TGS1: variants seen among roughly 807,000 people sequenced by gnomAD.
The protein encoded by TGS1 is trimethylguanosine synthase 1, also known as trimethylguanosine synthase.
In TGS1, 69 loss-of-function variants were observed where a neutral mutation model predicts 92.2. The observed-to-expected ratio is 0.75, with a 90% CI of 0.62 to 0.91. The LOEUF is 0.91. Ranked by LOEUF, TGS1 falls within the 40% of genes least tolerant of loss-of-function variation. TGS1 has a pLI of 0.00. For synonymous variants in TGS1, 345 were observed against 338.1 expected, an observed-to-expected ratio of 1.02 and a Z score of -0.22; for missense variants, 1,062 against 1,001.2, an observed-to-expected ratio of 1.06 and a Z score of -0.82.
chr8:55,818,199 A>ATTTT (rs367848057), intron 12 of TGS1, among the ~76,000 whole-genome samples: 1 of 150,438 alleles, frequency 6.6e-6, no homozygotes, highest in Non-Finnish European at 1.5e-5. Flanking sequence ...CTGGTTACCA[A>ATTTT]TTTTTTTTTT....
intron 12 of TGS1, among the ~76,000 whole-genome samples, chr8:55,820,285 G>A (rs935614778): frequency 1.1e-4 from 16 of 152,134 alleles, no homozygotes; most frequent in South Asian, 2.1e-4. Flanking sequence ...AGTGGCTTAA[G>A]CCTGTAATCC....
At chr8:55,787,376 A>T (rs1811749545) in intron 4 of TGS1, among the ~76,000 whole-genome samples, 1 of 152,270 alleles carries the variant, frequency 6.6e-6, no homozygotes. Flanking sequence ...AAATGAATTT[A>T]TAAGAGGCAT....
rs371154182 is a variant in TGS1 at position 55,790,165 on chromosome 8, T to C, written c.1163-17T>C. On this transcript the variant is annotated splice_polypyrimidine_tract_variant and intron_variant, in intron 4 of 12. Coordinates refer to ENST00000260129, the MANE Select transcript of TGS1 (RefSeq NM_024831.8). Reference sequence around the variant, plus strand: ...AACCAAGGGGGAAAAGCTACTGCAATATTTCTGCCTCTTTAGATTCACAGA... The same window carrying C: ...AACCAAGGGGGAAAAGCTACTGCAACATTTCTGCCTCTTTAGATTCACAGA... The C allele has an allele frequency of 1.9e-5, 31 of 1,593,730 alleles. No homozygotes were observed. The highest frequency in any genetic ancestry group is 2.4e-5 in the Non-Finnish European group (28 of 1,163,386).
At chr8:55,784,523 G>A (rs1811655021) in intron 2 of TGS1, among the ~76,000 whole-genome samples, 1 of 152,140 alleles carries the variant, frequency 6.6e-6, no homozygotes, top group African/African-American at 2.4e-5. Flanking sequence ...ACAGGGTCTT[G>A]CTGTGTTGCT....
intron 9 of TGS1, among the ~76,000 whole-genome samples, chr8:55,803,130 GGT>G (rs1554562881): frequency 2.3e-3 from 328 of 143,666 alleles, no homozygotes; most frequent in Non-Finnish European, 2.7e-3. Flanking sequence ...AATTTGGGGG[GGT>G]GTGTGTGTGT....
chr8:55,790,966 T>TC (rs1811865124), intron 5 of TGS1, among the ~76,000 whole-genome samples: 1 of 149,470 alleles, frequency 6.7e-6, no homozygotes, highest in Non-Finnish European at 1.5e-5. Context: ...AATTCATATC[T>TC]TCTCTCTCTC....
intron 12 of TGS1, among the ~76,000 whole-genome samples, chr8:55,816,547 ATAAGT>A (rs1043569677): frequency 1.6e-4 from 24 of 152,202 alleles, no homozygotes; most frequent in African/African-American, 3.6e-4. Flanking sequence ...TTCAGGTAAG[ATAAGT>A]TAAGTTACTT....
In TGS1 at chr8:55,814,510, T is replaced by C. The variant is rs920275050; in HGVS notation, c.2439+1392T>C. Among the ~76,000 whole-genome samples, 4 of 151,808 alleles carry C rather than the reference T, an allele frequency of 2.6e-5. No individual in the cohort carries two copies. In the South Asian group the frequency reaches 6.2e-4, roughly 24 times the overall value. On this transcript the variant is annotated intron_variant, in intron 12 of 12. Coordinates refer to ENST00000260129, the MANE Select transcript of TGS1 (RefSeq NM_024831.8). ...AACATTAGGCCTCCCAAAATATTAA[T>C]AGTATGTGTTATACCAGTTATAAGA...
intron 12 of TGS1, 39 bp from the exon 13 acceptor site, chr8:55,824,542 T>C (rs1195175352): frequency 6.2e-7 from 1 of 1,612,740 alleles, no homozygotes; most frequent in East Asian, 2.2e-5. Flanking sequence ...GAAATTATGC[T>C]TAGGTGTGTG....
chr8:55,799,278 T>G (rs1812153457), intron 8 of TGS1, 58 bp downstream of exon 8: 4 of 1,477,416 alleles, frequency 2.7e-6, no homozygotes, highest in Non-Finnish European at 2.7e-6. Context: ...TTTTTGTTAA[T>G]ATGTTTTTTC....
At chr8:55,797,564 AAC>A (rs1812095439) in intron 7 of TGS1, among the ~76,000 whole-genome samples, 1 of 152,212 alleles carries the variant, frequency 6.6e-6, no homozygotes, top group Non-Finnish European at 1.5e-5. Context: ...GATAGCATGA[AAC>A]ACAGGCCAAT....
chr8:55,786,518 G>A lies in TGS1; in HGVS notation c.620G>A (p.Gly207Glu). 6.2e-7 allele frequency: 1 copy of A among 1,614,152 alleles called. No individual in the cohort carries two copies. Among genetic ancestry groups the A allele is most frequent in the Non-Finnish European group, 8.5e-7 (1 of 1,180,012 alleles). ...KWEKYWNEYGGGLLWQSWQEK... is the reference protein window; with the variant it reads ...KWEKYWNEYGEGLLWQSWQEK... ...GAAAAGTATTGGAATGAATATGGAG[G>A]AGGACTATTGTGGCAAAGTTGGCAA... Residue 207 changes from glycine (G) to glutamate (E), a missense_variant, in exon 4 of 13, where the codon GGA becomes GAA. Physicochemically the swap from Gly to Glu is moderately conservative, Grantham distance 98. Transcript: ENST00000260129.
Position 55,806,225 on chromosome 8 carries a change from G to A in TGS1, c.2143+1189G>A, listed in dbSNP as rs189920575. Among the ~76,000 whole-genome samples the A allele has an allele frequency of 6.2e-4, 94 of 151,762 alleles. No individual in the cohort carries two copies. In the East Asian group the frequency reaches 0.015, roughly 24 times the overall value. On this transcript the variant is annotated intron_variant, in intron 10 of 12. Transcript: ENST00000260129. ...ACAAAAATTAGCCGGGCATGGTAGC[G>A]TGTGCCTGTAGTCCCAGCTACTCAG...
chr8:55,774,223 T>C (rs1231209899), intron 1 of TGS1, among the ~76,000 whole-genome samples: 1 of 152,192 alleles, frequency 6.6e-6, no homozygotes, highest in Non-Finnish European at 1.5e-5. Flanking sequence ...AATCTTTGAA[T>C]CAGGTAAAAA....
intron 2 of TGS1, 132 bp downstream of exon 2, chr8:55,782,944 A>C: frequency 1.6e-6 from 1 of 618,244 alleles, no homozygotes; most frequent in Non-Finnish European, 2.8e-6. Context: ...TTCTGTAATC[A>C]GACAATTTTT....
chr8:55,816,700 A>G (rs139018477), intron 12 of TGS1, among the ~76,000 whole-genome samples: 1 of 152,226 alleles, frequency 6.6e-6, no homozygotes, highest in African/African-American at 2.4e-5. Context: ...CCACCCTTCC[A>G]TGGCTTCCCC....
At chr8:55,789,727 A>G (rs1442189839) in intron 4 of TGS1, among the ~76,000 whole-genome samples, 2 of 152,246 alleles carry the variant, frequency 1.3e-5, no homozygotes, top group African/African-American at 4.8e-5. Context: ...TGGACAGAAA[A>G]AGAAAAATGA....
intron 11 of TGS1, among the ~76,000 whole-genome samples, chr8:55,811,743 G>T (rs1398624382): frequency 6.6e-6 from 1 of 151,904 alleles, no homozygotes; most frequent in Non-Finnish European, 1.5e-5. Flanking sequence ...CCTGGGCAAC[G>T]GAGCGAGACT....
chr8:55,815,947 TTTTA>T (rs960443751), intron 12 of TGS1, among the ~76,000 whole-genome samples: 7 of 146,336 alleles, frequency 4.8e-5, no homozygotes, highest in African/African-American at 1.9e-4. Context: ...TATTTATTTA[TTTTA>T]TTTATTTATT....
Sources: gnomAD v4.1 joint callset for allele counts (sites outside exome capture counted in the v4.1 genomes callset) on GRCh38, gnomAD v4.1.1 for gene constraint, MANE v1.5 for transcripts, NCBI Gene and HGNC (gene_info 2026-07-23, HGNC 2026-07-21) for gene names.